AMN1: variants seen among roughly 807,000 people sequenced by gnomAD.
The protein encoded by AMN1 is antagonist of mitotic exit network 1 homolog.
In AMN1, 20 loss-of-function variants were observed where a neutral mutation model predicts 33.0. The ratio of observed to expected loss-of-function variants is 0.61; its 90% CI spans 0.43 to 0.88. AMN1 has a LOEUF of 0.88. Among genes scored for constraint, AMN1 ranks in the 40% least tolerant of loss-of-function variants. The pLI is 0.00. For synonymous variants in AMN1, 114 were observed against 111.9 expected (o/e 1.02, Z -0.12); for missense variants, 246 against 307.4 (o/e 0.80, Z 1.49).
chr12:31,684,696 C>G (rs1180026585), intron 6 of AMN1, among the ~76,000 whole-genome samples: 1 of 152,188 alleles, frequency 6.6e-6, no homozygotes, highest in Admixed American at 6.5e-5. Flanking sequence ...TGATCTCGAT[C>G]TCCTGACCTT....
chr12:31,697,273 A>C lies in AMN1; in HGVS notation c.591+88T>G. On this transcript the variant is annotated intron_variant, in intron 5 of 6. Coordinates refer to ENST00000281471, the MANE Select transcript of AMN1 (RefSeq NM_001113402.2). ...AGTCCCTAAAATACGTAATTGATAA[A>C]GCATTGGTTATCCGCTAGGTTTTAA... The C allele has an allele frequency of 3.5e-6, 4 of 1,127,768 alleles. No homozygotes were observed. In the Admixed American group the frequency reaches 8.6e-5, roughly 24 times the overall value. 69.9% of individuals were successfully genotyped at this position (1,127,768 alleles called of 1,614,324 possible).
In AMN1 at chr12:31,706,079, G is replaced by A. The variant is rs560418210; in HGVS notation, c.171+3214C>T. ...TGTAATCCCAGCACTTTGGGAGGCTGAGGCGGGCAGATCACAAGGTCAGGA... is the reference window on the plus strand; with the variant it reads ...TGTAATCCCAGCACTTTGGGAGGCTAAGGCGGGCAGATCACAAGGTCAGGA... On this transcript the variant is annotated intron_variant, in intron 2 of 6. Coordinates refer to ENST00000281471, the MANE Select transcript of AMN1 (RefSeq NM_001113402.2). 9.2e-5 allele frequency among the ~76,000 whole-genome samples: 14 copies of A among 152,074 alleles called. 1 individual carries two copies. Among genetic ancestry groups the A allele is most frequent in the Admixed American group, 8.5e-4 (13 of 15,252 alleles).
chr12:31,683,280 C>A lies in AMN1; in HGVS notation c.703+5727G>T, dbSNP rs891427790. Among the ~76,000 whole-genome samples, 2 of 152,168 alleles carry A rather than the reference C, an allele frequency of 1.3e-5. No individual in the cohort carries two copies. The highest frequency in any genetic ancestry group is 4.8e-5 in the African/African-American group (2 of 41,452). On this transcript the variant is annotated intron_variant, in intron 6 of 6. Coordinates refer to ENST00000281471, the MANE Select transcript of AMN1 (RefSeq NM_001113402.2). This position sits in a 1 kb window ranked among gnomAD's most constrained non-coding sequence, Gnocchi z 4.1. ...CCTGGCCAGAAAATGATATGCTATT[C>A]TTGCTGCAAATGTTGAAGTTGACTG...
At chr12:31,674,918 A>G (rs1951355118) in intron 6 of AMN1, among the ~76,000 whole-genome samples, 1 of 151,948 alleles carries the variant, frequency 6.6e-6, no homozygotes, top group South Asian at 2.1e-4. Flanking sequence ...GCTACTCAGG[A>G]GACCGAGGCA....
intron 1 of AMN1, among the ~76,000 whole-genome samples, chr12:31,727,922 G>A (rs954400045): frequency 4.6e-5 from 7 of 152,042 alleles, no homozygotes; most frequent in African/African-American, 1.7e-4. Flanking sequence ...AGTACATGCC[G>A]CGGTTTTGCC....
chr12:31,685,893 C>T (rs1248380705), intron 6 of AMN1, among the ~76,000 whole-genome samples: 3 of 149,874 alleles, frequency 2.0e-5, no homozygotes, highest in African/African-American at 7.4e-5. Flanking sequence ...ACTCTTGTTG[C>T]CCAAGCTGGA....
Position 31,692,024 on chromosome 12 carries a change from T to A in AMN1, c.592-2906A>T, listed in dbSNP as rs376861460. ...TCCCAAGTAGCTGGGATTACAGGCATGTGCAAATATGCCTGGCTAATTTTT... is the reference window on the plus strand; with the variant it reads ...TCCCAAGTAGCTGGGATTACAGGCAAGTGCAAATATGCCTGGCTAATTTTT... On this transcript the variant is annotated intron_variant, in intron 5 of 6. Transcript: ENST00000281471. 3.9e-5 allele frequency among the ~76,000 whole-genome samples: 6 copies of A among 152,050 alleles called. No individual in the cohort carries two copies. The East Asian group carries it at 9.8e-4, about 25-fold the overall frequency.
rs921357611 is a variant in AMN1, at chr12:31,681,646, G to T, written c.703+7361C>A. On this transcript the variant is annotated intron_variant, in intron 6 of 6. Coordinates refer to ENST00000281471, the MANE Select transcript of AMN1 (RefSeq NM_001113402.2). ...TTATTCGATGTTCTGGAGAGATGGC[G>T]TGGATGGGATCAGCGTTCGTTTTAC... is the stretch of plus-strand genomic sequence containing the variant. Among the ~76,000 whole-genome samples, 3 of 152,182 alleles carry T rather than the reference G, an allele frequency of 2.0e-5. No homozygotes were observed. In the East Asian group the frequency reaches 5.8e-4, roughly 29 times the overall value.
chr12:31,689,796 G>T (rs1014321852), intron 5 of AMN1, among the ~76,000 whole-genome samples: 1 of 152,056 alleles, frequency 6.6e-6, no homozygotes, highest in African/African-American at 2.4e-5. Context: ...GGGAACAGGT[G>T]GTATTTGGTT....
chr12:31,693,599 A>G (rs985098318), intron 5 of AMN1, among the ~76,000 whole-genome samples: 1 of 150,706 alleles, frequency 6.6e-6, no homozygotes, highest in Non-Finnish European at 1.5e-5. Flanking sequence ...GTGGAGTGCA[A>G]TGGTGTGATC....
chr12:31,696,975 T>C (rs555904944), intron 5 of AMN1, among the ~76,000 whole-genome samples: 4 of 149,046 alleles, frequency 2.7e-5, no homozygotes, highest in African/African-American at 7.4e-5. Context: ...TCAAGAAAAA[T>C]AGGATGACAG....
chr12:31,723,991 A>G (rs1185557259), intron 1 of AMN1, among the ~76,000 whole-genome samples: 2 of 152,182 alleles, frequency 1.3e-5, no homozygotes, highest in African/African-American at 4.8e-5. Flanking sequence ...GGGATTAGAG[A>G]AAAGTAAAGC....
chr12:31,697,248 A>C (rs1938768825), intron 5 of AMN1, 113 bp downstream of exon 5: 1 of 797,306 alleles, frequency 1.3e-6, no homozygotes, highest in South Asian at 2.4e-5. Context: ...CCACCAACAA[A>C]GTCCCTAAAA....
At chr12:31,672,486 T>A in intron 6 of AMN1, 109 bp from the exon 7 acceptor site, 1 of 786,614 alleles carries the variant, frequency 1.3e-6, no homozygotes, top group Non-Finnish European at 2.1e-6. Flanking sequence ...TTTAAAGGAT[T>A]AAAGGAGGTG....
chr12:31,673,600 G>A, intron 6 of AMN1: 1 of 427,482 alleles, frequency 2.3e-6, no homozygotes, highest in Non-Finnish European at 4.7e-6. Context: ...GAAGAAGGGG[G>A]AAACACTTTC....
At chr12:31,691,783 T>C (rs1481943997) in intron 5 of AMN1, among the ~76,000 whole-genome samples, 7 of 152,184 alleles carry the variant, frequency 4.6e-5, no homozygotes, top group African/African-American at 1.7e-4. Context: ...CAAGGAGAGA[T>C]ACATAATCAT....
In AMN1 at chr12:31,687,320, T is replaced by C. The variant is rs11830639; in HGVS notation, c.703+1687A>G. 8.2e-3 allele frequency among the ~76,000 whole-genome samples: 1,243 copies of C among 152,294 alleles called. 18 individuals are homozygous for C. Among genetic ancestry groups the C allele is most frequent in the African/African-American group, 0.028 (1,171 of 41,558 alleles). ...GCAACCTAAAAATAAAAAAGAGAAG[T>C]TGTCAAAGGGACTTCCTAAAAATAA... On this transcript the variant is annotated intron_variant, in intron 6 of 6. Transcript: ENST00000281471. This position sits in a 1 kb window ranked among gnomAD's most constrained non-coding sequence, Gnocchi z 4.1.
chr12:31,714,036 A>C (rs972975835), intron 1 of AMN1, among the ~76,000 whole-genome samples: 1 of 152,102 alleles, frequency 6.6e-6, no homozygotes, highest in Non-Finnish European at 1.5e-5. Flanking sequence ...GATTTTTAAA[A>C]TATAAATAAA....
intron 6 of AMN1, among the ~76,000 whole-genome samples, chr12:31,685,661 C>T (rs890651269): frequency 3.3e-5 from 5 of 151,860 alleles, no homozygotes; most frequent in Non-Finnish European, 5.9e-5. Flanking sequence ...ATTAGCCAGA[C>T]CTGGTGGCGG....
Sources: gnomAD v4.1 joint callset for allele counts (sites outside exome capture counted in the v4.1 genomes callset) on GRCh38, gnomAD v4.1.1 for gene constraint, Gnocchi (gnomAD v3.1) non-coding constraint, MANE v1.5 for transcripts, NCBI Gene and HGNC (gene_info 2026-07-23, HGNC 2026-07-21) for gene names.